The following SCAI variants were observed in gnomAD, a reference collection of about 807,000 sequenced individuals.
SCAI encodes the protein protein SCAI.
Under a neutral mutation model 92.2 loss-of-function variants are expected in SCAI, and 24 were observed. The ratio of observed to expected loss-of-function variants is 0.26; its 90% CI spans 0.19 to 0.37. SCAI has a LOEUF of 0.37. Among genes scored for constraint, SCAI ranks in the 10% least tolerant of loss-of-function variants. SCAI has a pLI of 1.00. For missense variants in SCAI, 450 were observed against 736.2 expected, an observed-to-expected ratio of 0.61 and a Z score of 4.50; for synonymous variants, 261 against 258.6, an observed-to-expected ratio of 1.01 and a Z score of -0.09.
At chr9:125,071,866 A>G (rs1370178146) in intron 2 of SCAI, among the ~76,000 whole-genome samples, 1 of 152,222 alleles carries the variant, frequency 6.6e-6, no homozygotes, top group Non-Finnish European at 1.5e-5. Flanking sequence ...TAATTAGTCC[A>G]TACTTATTGA....
At chr9:125,081,239 A>G (rs559605682) in intron 2 of SCAI, among the ~76,000 whole-genome samples, 1 of 152,354 alleles carries the variant, frequency 6.6e-6, no homozygotes, top group South Asian at 2.1e-4. Context: ...AGAGGTTGGA[A>G]CAGTTTGGAG....
At chr9:125,010,699 C>T (rs923941708) in intron 9 of SCAI, among the ~76,000 whole-genome samples, 9 of 152,200 alleles carry the variant, frequency 5.9e-5, no homozygotes, top group Non-Finnish European at 1.0e-4. Flanking sequence ...CAGCACGCAG[C>T]TTGAGATCTG....
intron 2 of SCAI, among the ~76,000 whole-genome samples, chr9:125,109,653 T>TATC (rs1834892064): frequency 4.1e-5 from 6 of 147,834 alleles, no homozygotes; most frequent in East Asian, 2.0e-4. Context: ...AGGTTTCCAT[T>TATC]TATCTATCTA....
intron 14 of SCAI, 24 bp downstream of exon 14, chr9:124,994,910 T>G: frequency 1.3e-6 from 2 of 1,553,620 alleles, no homozygotes; most frequent in Non-Finnish European, 1.8e-6. Context: ...TGTCTACCTG[T>G]GCAATAGCTC....
At chr9:124,982,740 G>T (rs7026925) in intron 14 of SCAI, among the ~76,000 whole-genome samples, 98,749 of 150,606 alleles carry the variant, frequency 0.66, 33,039 homozygotes, top group African/African-American at 0.76. Context: ...GCCTTTCTTG[G>T]GGGGAAAAGG....
intron 14 of SCAI, among the ~76,000 whole-genome samples, chr9:124,978,702 C>A (rs910172879): frequency 2.0e-5 from 3 of 152,000 alleles, no homozygotes; most frequent in African/African-American, 7.3e-5. Context: ...TTCCTTGAAG[C>A]CTTGTTAGTG....
At chr9:124,954,189 A>G (rs1457980987) in intron 17 of SCAI, among the ~76,000 whole-genome samples, 1 of 152,272 alleles carries the variant, frequency 6.6e-6, no homozygotes, top group African/African-American at 2.4e-5. Flanking sequence ...AAAAGCAGAC[A>G]GAAAATCAAC....
intron 3 of SCAI, among the ~76,000 whole-genome samples, chr9:125,052,107 A>C (rs1833571859): frequency 6.6e-6 from 1 of 152,212 alleles, no homozygotes; most frequent in Non-Finnish European, 1.5e-5. Context: ...TGTAAGAGCT[A>C]AAAGTATAAA....
Position 124,951,209 on chromosome 9 carries a change from C to T in SCAI, c.*1598G>A, listed in dbSNP as rs958127183. On this transcript the variant is annotated 3_prime_UTR_variant, in exon 18 of 18. Coordinates refer to ENST00000336505, the MANE Select transcript of SCAI (RefSeq NM_001144877.3). Reference sequence around the variant, plus strand: ...TTAGTCTCTATGCCAGAAATGAAAACCAAGTTAAAAATAATAGCCAGGTGC... The same window carrying T: ...TTAGTCTCTATGCCAGAAATGAAAATCAAGTTAAAAATAATAGCCAGGTGC... 1.3e-5 allele frequency: 2 copies of T among 150,258 alleles called. No homozygotes were observed. The highest frequency in any genetic ancestry group is 4.9e-5 in the African/African-American group (2 of 40,780). The allele number at this position is 150,258 out of a possible 1,614,324, so 9.3% of individuals were successfully genotyped here.
chr9:125,046,676 A>G (rs1315022468), intron 3 of SCAI, among the ~76,000 whole-genome samples: 1 of 146,276 alleles, frequency 6.8e-6, no homozygotes, highest in Non-Finnish European at 1.5e-5. Flanking sequence ...AACCAAACAC[A>G]CCTGTTCCCC....
At position 125,108,769 on chromosome 9, in the gene SCAI, C is replaced by T. The variant is rs549744526; in HGVS notation, c.98+33864G>A. On this transcript the variant is annotated intron_variant, in intron 2 of 17. Coordinates refer to ENST00000336505, the MANE Select transcript of SCAI (RefSeq NM_001144877.3). Reference sequence around the variant, plus strand: ...GTCTCCGCCCGGCAGCCGCCCCGTCCGGGAGGTGGGGGGCGCCTCTGCCCG... The same window carrying T: ...GTCTCCGCCCGGCAGCCGCCCCGTCTGGGAGGTGGGGGGCGCCTCTGCCCG... Among the ~76,000 whole-genome samples, 190 of 143,430 alleles carry T rather than the reference C, an allele frequency of 1.3e-3. 1 individual carries two copies. Among genetic ancestry groups the T allele is most frequent in the African/African-American group, 4.6e-3 (176 of 38,478 alleles). 94.1% of individuals were successfully genotyped at this position (143,430 alleles called of 152,430 possible). A position where few individuals can be genotyped will look rare whatever the true frequency, so the allele number is the denominator to read the frequency against.
At chr9:125,040,888 C>CGG (rs1833307110) in intron 3 of SCAI, among the ~76,000 whole-genome samples, 1 of 151,906 alleles carries the variant, frequency 6.6e-6, no homozygotes, top group Non-Finnish European at 1.5e-5. Flanking sequence ...GCCGTCTTGG[C>CGG]CTCTCAAAGT....
intron 14 of SCAI, among the ~76,000 whole-genome samples, chr9:124,980,256 T>G (rs904849080): frequency 6.6e-6 from 1 of 152,042 alleles, no homozygotes. Context: ...CTATTATTTA[T>G]TTCTAAAGGT....
chr9:125,108,670 G>A (rs1168086984), intron 2 of SCAI, among the ~76,000 whole-genome samples: 2 of 144,204 alleles, frequency 1.4e-5, no homozygotes, highest in African/African-American at 5.2e-5. Flanking sequence ...GAGCCCCTCC[G>A]CCCGGCAGCC....
At chr9:125,051,579 C>T (rs1299780069) in intron 3 of SCAI, among the ~76,000 whole-genome samples, 1 of 152,074 alleles carries the variant, frequency 6.6e-6, no homozygotes, top group Non-Finnish European at 1.5e-5. Context: ...TGATGGATAT[C>T]CCAAATCCAT....
At chr9:125,040,172 T>C (rs990438434) in intron 3 of SCAI, among the ~76,000 whole-genome samples, 3 of 151,870 alleles carry the variant, frequency 2.0e-5, no homozygotes, top group Non-Finnish European at 4.4e-5. Flanking sequence ...CTGGGCAACA[T>C]AGGGAGAGCC....
chr9:125,098,762 A>G (rs1470754420), intron 2 of SCAI, among the ~76,000 whole-genome samples: 1 of 152,134 alleles, frequency 6.6e-6, no homozygotes, highest in Non-Finnish European at 1.5e-5. Context: ...TAGTTATTAA[A>G]CTTTCAGTCT....
intron 2 of SCAI, among the ~76,000 whole-genome samples, chr9:125,073,113 T>TTTTTTTTTTTG: frequency 8.3e-6 from 1 of 121,188 alleles, no homozygotes; most frequent in Non-Finnish European, 1.8e-5. Context: ...TTTTTTTTTT[T>TTTTTTTTTTTG]TTTTTTTTTG....
chr9:125,044,321 C>T (rs149284012), intron 3 of SCAI, among the ~76,000 whole-genome samples: 5 of 152,238 alleles, frequency 3.3e-5, no homozygotes, highest in South Asian at 2.1e-4. Context: ...TTCCACCATT[C>T]AGAGCACAAA....
Sources: gnomAD v4.1 joint callset for allele counts (sites outside exome capture counted in the v4.1 genomes callset) on GRCh38, gnomAD v4.1.1 for gene constraint, MANE v1.5 for transcripts, NCBI Gene and HGNC (gene_info 2026-07-23, HGNC 2026-07-21) for gene names.